The following NAALADL2 variants were observed in gnomAD, a reference collection of about 807,000 sequenced individuals.
NAALADL2 encodes N-acetylated alpha-linked acidic dipeptidase like 2.
A neutral mutation model predicts 87.2 loss-of-function variants in NAALADL2; 76 were observed. The ratio of observed to expected loss-of-function variants is 0.87; its 90% confidence interval spans 0.72 to 1.05. NAALADL2 has a LOEUF of 1.05. Among genes scored for constraint, NAALADL2 ranks in the 50% least tolerant of loss-of-function variants. The pLI is 0.00. For missense variants in NAALADL2, 1,089 were observed against 945.8 expected (o/e 1.15, Z -1.99); for synonymous variants, 354 against 331.0 (o/e 1.07, Z -0.75).
intron 11 of NAALADL2, among the ~76,000 whole-genome samples, chr3:175,705,235 G>A (rs149165829): frequency 1.3e-5 from 2 of 152,216 alleles, no homozygotes; most frequent in African/African-American, 4.8e-5. Flanking sequence ...AGGAAAATGA[G>A]GTCCATAGAG....
chr3:175,267,995 A>G (rs557835512), intron 4 of NAALADL2, among the ~76,000 whole-genome samples: 2 of 152,316 alleles, frequency 1.3e-5, no homozygotes, highest in East Asian at 3.9e-4. Context: ...TTTTGTAACC[A>G]TGGTAAGGAA....
At chr3:175,700,975 ATGGAGATAAATGAAATGGTACTG>A (rs1738913311) in intron 11 of NAALADL2, among the ~76,000 whole-genome samples, 1 of 152,042 alleles carries the variant, frequency 6.6e-6, no homozygotes, top group Non-Finnish European at 1.5e-5. Flanking sequence ...AAATGGTACT[ATGGAGATAAATGAAATGGTACTG>A]TGGAGATAAA....
At position 174,945,343 on chromosome 3, in the gene NAALADL2, G is replaced by A. The variant is rs1579657404; in HGVS notation, c.43+85893G>A. 2.6e-5 allele frequency among the ~76,000 whole-genome samples: 4 copies of A among 152,256 alleles called. No individual in the cohort carries two copies. The South Asian group carries it at 8.3e-4, about 32-fold the overall frequency. On this transcript the variant is annotated intron_variant, in intron 1 of 13. Coordinates refer to ENST00000454872, the MANE Select transcript of NAALADL2 (RefSeq NM_207015.3). ...TTTTGCACTAGGGATGATAACTGGA[G>A]AAGCAAATATTTTCACTCAGGCCTG...
At position 175,177,072 on chromosome 3, in the gene NAALADL2, CTT is replaced by C. The variant is rs563492706; in HGVS notation, c.546-56858_546-56857del. ...ATTAAGTTTGTCTCTGGAGTTCCCA[CTT>C]CTTTTGGACATTTTCTAGTAAGAAA... On this transcript the variant is annotated intron_variant, in intron 2 of 13. Coordinates refer to ENST00000454872, the MANE Select transcript of NAALADL2 (RefSeq NM_207015.3). Among the ~76,000 whole-genome samples the C allele has an allele frequency of 5.4e-4, 82 of 152,184 alleles. No individual in the cohort carries two copies. The East Asian group carries it at 8.7e-3, about 16-fold the overall frequency.
At chr3:175,525,325 A>T (rs1186086716) in intron 9 of NAALADL2, among the ~76,000 whole-genome samples, 1 of 152,074 alleles carries the variant, frequency 6.6e-6, no homozygotes, top group African/African-American at 2.4e-5. Flanking sequence ...CTTGGGTAAA[A>T]CCGAAGTATT....
intron 5 of NAALADL2, among the ~76,000 whole-genome samples, chr3:175,427,948 CT>C (rs1350404680): frequency 6.6e-6 from 1 of 152,116 alleles, no homozygotes; most frequent in Non-Finnish European, 1.5e-5. Flanking sequence ...TGCATATTAA[CT>C]GTTCATCTGT....
chr3:175,763,925 A>G (rs1748356524), intron 13 of NAALADL2, among the ~76,000 whole-genome samples: 1 of 152,070 alleles, frequency 6.6e-6, no homozygotes, highest in Non-Finnish European at 1.5e-5. Context: ...GTGGCTTTGG[A>G]AAAGAGAATC....
chr3:175,161,914 A>T (rs770964263), intron 2 of NAALADL2, among the ~76,000 whole-genome samples: 1 of 152,166 alleles, frequency 6.6e-6, no homozygotes, highest in Non-Finnish European at 1.5e-5. Context: ...CATCTTTCTC[A>T]TAACCTGAAC....
intron 11 of NAALADL2, among the ~76,000 whole-genome samples, chr3:175,639,426 T>C (rs1728994348): frequency 6.7e-6 from 1 of 148,530 alleles, no homozygotes; most frequent in Non-Finnish European, 1.5e-5. Flanking sequence ...GTTCACACCA[T>C]TCTCCTGCCT....
At chr3:175,427,719 T>G (rs1717055125) in intron 5 of NAALADL2, among the ~76,000 whole-genome samples, 3 of 152,204 alleles carry the variant, frequency 2.0e-5, no homozygotes, top group Non-Finnish European at 4.4e-5. Flanking sequence ...GACTGACACT[T>G]CATTGGCCTT....
At chr3:175,745,248 T>C (rs1248192730) in intron 12 of NAALADL2, among the ~76,000 whole-genome samples, 2 of 152,236 alleles carry the variant, frequency 1.3e-5, no homozygotes, top group Admixed American at 1.3e-4. Flanking sequence ...ACCTTGGCTC[T>C]TAATATTTGG....
At chr3:175,697,090 C>T (rs1737905101) in intron 11 of NAALADL2, among the ~76,000 whole-genome samples, 1 of 152,012 alleles carries the variant, frequency 6.6e-6, no homozygotes, top group Admixed American at 6.6e-5. Context: ...GAATTTTAAC[C>T]TGTCTAGGAG....
At chr3:174,597,389 G>A (rs1477840839) in intron 2 of NAALADL2, among the ~76,000 whole-genome samples, 3 of 152,106 alleles carry the variant, frequency 2.0e-5, no homozygotes, top group Non-Finnish European at 2.9e-5. Flanking sequence ...AAACTATATC[G>A]TTTGCATACA....
intron 11 of NAALADL2, among the ~76,000 whole-genome samples, chr3:175,709,473 A>G (rs1015683732): frequency 1.3e-5 from 2 of 152,172 alleles, no homozygotes; most frequent in African/African-American, 4.8e-5. Context: ...CTTTGTTTAC[A>G]AAGTATAAAA....
intron 1 of NAALADL2, among the ~76,000 whole-genome samples, chr3:175,088,741 C>A (rs578062322): frequency 6.6e-6 from 1 of 152,302 alleles, no homozygotes; most frequent in African/African-American, 2.4e-5. Flanking sequence ...AAGCAAAATT[C>A]ACCCTGGCTG....
At chr3:174,767,303 A>G (rs188148663) in intron 3 of NAALADL2, among the ~76,000 whole-genome samples, 1 of 152,304 alleles carries the variant, frequency 6.6e-6, no homozygotes, top group Admixed American at 6.5e-5. Context: ...AACATAATCA[A>G]GTTTGTTGCA....
chr3:175,070,865 A>G (rs1035504679), intron 1 of NAALADL2, among the ~76,000 whole-genome samples: 6 of 152,114 alleles, frequency 3.9e-5, no homozygotes, highest in Admixed American at 3.3e-4. Context: ...TATATTTTGT[A>G]TGTGAGTGAA....
chr3:175,161,720 A>G (rs1733254107), intron 2 of NAALADL2, among the ~76,000 whole-genome samples: 1 of 144,420 alleles, frequency 6.9e-6, no homozygotes, highest in Non-Finnish European at 1.5e-5. Flanking sequence ...CCAAACTTCT[A>G]TAGCAAGTAA....
At chr3:175,329,013 A>G (rs1432509786) in intron 5 of NAALADL2, among the ~76,000 whole-genome samples, 1 of 152,204 alleles carries the variant, frequency 6.6e-6, no homozygotes, top group Non-Finnish European at 1.5e-5. Context: ...CTTTTCTTCC[A>G]TCTACTTTCT....
Sources: allele counts gnomAD v4.1 joint callset (sites outside exome capture counted in the v4.1 genomes callset), GRCh38; gene constraint gnomAD v4.1.1; transcripts MANE v1.5; gene names NCBI Gene and HGNC (gene_info 2026-07-23, HGNC 2026-07-21).